The following ZRANB3 variants were observed in gnomAD, a reference collection of about 807,000 sequenced individuals.
ZRANB3 encodes zinc finger RANBP2-type containing 3, also known as DNA annealing helicase and endonuclease ZRANB3.
A neutral mutation model predicts 133.8 loss-of-function variants in ZRANB3; 125 were observed. That is an observed-to-expected ratio of 0.93 (90% confidence interval 0.81 to 1.08). The LOEUF is 1.08. ZRANB3 is among the 50% of genes least tolerant of loss of function. The pLI is 0.00. For missense variants in ZRANB3, 1,229 were observed against 1,275.5 expected (o/e 0.96, Z 0.56); for synonymous variants, 387 against 432.7 (o/e 0.89, Z 1.31).
At chr2:135,405,193 T>A (rs886091665) in intron 2 of ZRANB3, among the ~76,000 whole-genome samples, 1 of 152,156 alleles carries the variant, frequency 6.6e-6, no homozygotes, top group South Asian at 2.1e-4. Context: ...AAGCAGACTT[T>A]AAACCAACAA....
At chr2:135,481,841 T>C (rs1462001356) in intron 2 of ZRANB3, among the ~76,000 whole-genome samples, 30 of 150,950 alleles carry the variant, frequency 2.0e-4, no homozygotes, top group East Asian at 7.8e-4. Flanking sequence ...TATGGCTAGC[T>C]AGTTTTCCCA....
intron 8 of ZRANB3, among the ~76,000 whole-genome samples, chr2:135,301,178 T>A (rs1281253201): frequency 6.6e-6 from 1 of 151,592 alleles, no homozygotes; most frequent in East Asian, 1.9e-4. Flanking sequence ...GCCCAATTAA[T>A]ATGTTTATTT....
chr2:135,210,079 G>C (rs1350485014), intron 17 of ZRANB3, among the ~76,000 whole-genome samples: 1 of 151,820 alleles, frequency 6.6e-6, no homozygotes, highest in Non-Finnish European at 1.5e-5. Flanking sequence ...TGGCAGTTTT[G>C]TTTTTATTTT....
chr2:135,419,698 GGTTT>G (rs1394440124), intron 2 of ZRANB3, among the ~76,000 whole-genome samples: 2 of 135,656 alleles, frequency 1.5e-5, no homozygotes, highest in African/African-American at 6.7e-5. Flanking sequence ...TCCTCACAAA[GGTTT>G]TTTTTTTTTT....
Position 135,271,839 on chromosome 2 carries a change from G to A in ZRANB3, c.1135C>T (p.His379Tyr), listed in dbSNP as rs1680532885. The stretch of plus-strand genomic sequence containing the variant: ...TCCTTTTGAAACTGATTAACCAGAT[G>A]TATTCTTTCTGAAGATGAAACACTT... ...DGSVSSSERI[H>Y]LVNQFQKDPD... Residue 379 changes from histidine to tyrosine, a missense_variant, in exon 10 of 21, where the codon CAT (histidine) becomes TAT (tyrosine). Coordinates refer to ENST00000264159, the MANE Select transcript of ZRANB3 (RefSeq NM_032143.4). The A allele has an allele frequency of 1.2e-6, 2 of 1,613,672 alleles. No homozygotes were observed. Among genetic ancestry groups the A allele is most frequent in the African/African-American group, 1.3e-5 (1 of 74,918 alleles).
intron 8 of ZRANB3, among the ~76,000 whole-genome samples, chr2:135,279,796 A>C (rs1681012083): frequency 1.3e-5 from 2 of 152,234 alleles, no homozygotes; most frequent in Non-Finnish European, 2.9e-5. Context: ...GTTCAATTAC[A>C]TAACTGACTA....
chr2:135,242,836 C>T (rs1284275890), intron 12 of ZRANB3, among the ~76,000 whole-genome samples: 1 of 151,986 alleles, frequency 6.6e-6, no homozygotes, highest in African/African-American at 2.4e-5. Context: ...GCTCTAAGAG[C>T]TTGTTGTGTT....
chr2:135,334,494 T>A (rs551973202), intron 6 of ZRANB3, among the ~76,000 whole-genome samples: 25 of 152,226 alleles, frequency 1.6e-4, no homozygotes, highest in African/African-American at 4.8e-4. Flanking sequence ...CATTTGCCAA[T>A]GGAATAGACA....
chr2:135,331,906 G>A (rs917118487), intron 6 of ZRANB3, among the ~76,000 whole-genome samples: 1 of 151,998 alleles, frequency 6.6e-6, no homozygotes, highest in South Asian at 2.1e-4. Flanking sequence ...TCTATGTGTG[G>A]TTTGTTAAAA....
chr2:135,503,649 G>A (rs13408058), intron 2 of ZRANB3, among the ~76,000 whole-genome samples: 4,843 of 152,148 alleles, frequency 0.032, 248 homozygotes, highest in African/African-American at 0.11. Flanking sequence ...CTAAATCTAA[G>A]GTGGAAAATA....
intron 2 of ZRANB3, among the ~76,000 whole-genome samples, chr2:135,499,754 A>C (rs1193617921): frequency 6.6e-6 from 1 of 152,228 alleles, no homozygotes; most frequent in African/African-American, 2.4e-5. Flanking sequence ...CACTGTTGAT[A>C]CAAGTAAAGA....
At chr2:135,276,826 C>T (rs79716651) in intron 8 of ZRANB3, among the ~76,000 whole-genome samples, 1 of 152,278 alleles carries the variant, frequency 6.6e-6, no homozygotes, top group African/African-American at 2.4e-5. Context: ...ACTTGATTTA[C>T]GTTGCAGTCA....
At chr2:135,320,051 A>T (rs1683446995) in intron 6 of ZRANB3, among the ~76,000 whole-genome samples, 1 of 152,026 alleles carries the variant, frequency 6.6e-6, no homozygotes, top group Non-Finnish European at 1.5e-5. Context: ...CCCCCAAGAG[A>T]TGGGTTCTCA....
At chr2:135,405,428 A>G (rs555548265) in intron 2 of ZRANB3, among the ~76,000 whole-genome samples, 1 of 152,200 alleles carries the variant, frequency 6.6e-6, no homozygotes, top group Non-Finnish European at 1.5e-5. Flanking sequence ...GAAAGTTAAC[A>G]AGCATATCCA....
At chr2:135,388,494 A>C (rs576801735) in intron 3 of ZRANB3, among the ~76,000 whole-genome samples, 17 of 152,304 alleles carry the variant, frequency 1.1e-4, no homozygotes, top group African/African-American at 3.4e-4. Flanking sequence ...ACCATGACTT[A>C]CTTGTGGAAA....
At chr2:135,488,118 G>A (rs898299854) in intron 2 of ZRANB3, among the ~76,000 whole-genome samples, 11 of 152,120 alleles carry the variant, frequency 7.2e-5, no homozygotes, top group East Asian at 3.9e-4. Context: ...GGAATACAGA[G>A]GCCTGTGGAG....
chr2:135,529,336 T>G (rs1694298212), intron 1 of ZRANB3, among the ~76,000 whole-genome samples: 1 of 152,210 alleles, frequency 6.6e-6, no homozygotes, highest in Non-Finnish European at 1.5e-5. Flanking sequence ...TGTCCAAAAG[T>G]ATACATACAG....
chr2:135,255,101 T>C, intron 12 of ZRANB3, among the ~76,000 whole-genome samples: 1 of 152,028 alleles, frequency 6.6e-6, no homozygotes, highest in East Asian at 1.9e-4. Context: ...CATTAGGCAA[T>C]GTTAAATAAA....
chr2:135,214,635 T>C (rs925219103), intron 17 of ZRANB3, among the ~76,000 whole-genome samples: 5 of 152,162 alleles, frequency 3.3e-5, no homozygotes, highest in African/African-American at 1.2e-4. Flanking sequence ...TTGAGAGGAC[T>C]GGAAGTTTTG....
Sources: allele counts gnomAD v4.1 joint callset (sites outside exome capture counted in the v4.1 genomes callset), GRCh38; gene constraint gnomAD v4.1.1; transcripts MANE v1.5; gene names NCBI Gene and HGNC (gene_info 2026-07-23, HGNC 2026-07-21).